KCNB2: variants seen among roughly 807,000 people sequenced by gnomAD.
The protein encoded by KCNB2 is potassium voltage-gated channel subfamily B member 2.
A neutral mutation model predicts 61.5 loss-of-function variants in KCNB2; 15 were observed. The ratio of observed to expected loss-of-function variants is 0.24; its 90% CI spans 0.16 to 0.38. The LOEUF is 0.38. KCNB2 is among the 10% of genes least tolerant of loss of function. KCNB2 has a pLI of 1.00. For synonymous variants in KCNB2, 457 were observed against 446.0 expected (o/e 1.02, Z -0.31); for missense variants, 828 against 1,125.2 (o/e 0.74, Z 3.78).
rs1255647912 is a variant in KCNB2, at chr8:72,936,223, G to A, written c.868G>A (p.Val290Met). 3 of 1,614,084 alleles carry A rather than the reference G, an allele frequency of 1.9e-6. No homozygotes were observed. The highest frequency in any genetic ancestry group is 1.7e-5 in the Admixed American group (1 of 60,008). ...TIFLTESNKS[V>M]LQFQNVRRVV... ...TTTTCTGACGGAGTCCAACAAGAGC[G>A]TGCTGCAGTTCCAAAACGTGAGGCG... is the stretch of plus-strand genomic sequence containing the variant. The change falls in exon 3 of 3, where the codon GTG becomes ATG. Residue 290 changes from valine (V) to methionine (M), a missense_variant. Physicochemically the swap from Val to Met is conservative, Grantham distance 21. Coordinates refer to ENST00000523207, the MANE Select transcript of KCNB2 (RefSeq NM_004770.3). This position sits in a 1 kb window ranked among gnomAD's most constrained non-coding sequence, Gnocchi z 5.6.
chr8:72,664,434 C>G (rs902034663), intron 2 of KCNB2, among the ~76,000 whole-genome samples: 1 of 152,206 alleles, frequency 6.6e-6, no homozygotes, highest in Admixed American at 6.5e-5. Context: ...TGTCACTTCT[C>G]CCCCAATAGT....
chr8:72,709,508 T>C (rs1288326601), intron 2 of KCNB2, among the ~76,000 whole-genome samples: 1 of 151,658 alleles, frequency 6.6e-6, no homozygotes, highest in Non-Finnish European at 1.5e-5. Context: ...GAATTTTTGC[T>C]CATGGCAGAA....
chr8:72,658,877 G>A (rs1806335307), intron 2 of KCNB2, among the ~76,000 whole-genome samples: 1 of 152,144 alleles, frequency 6.6e-6, no homozygotes, highest in African/African-American at 2.4e-5. Flanking sequence ...ACACTGTTGA[G>A]GCTCACTGCT....
At chr8:72,928,114 C>G (rs1247619161) in intron 2 of KCNB2, among the ~76,000 whole-genome samples, 1 of 151,830 alleles carries the variant, frequency 6.6e-6, no homozygotes, top group Non-Finnish European at 1.5e-5. Flanking sequence ...TTTTCTCCCT[C>G]AAGTTTTCAT....
chr8:72,707,533 G>A lies in KCNB2; in HGVS notation c.579+139220G>A, dbSNP rs114125650. 8.6e-3 allele frequency among the ~76,000 whole-genome samples: 1,312 copies of A among 152,222 alleles called. 17 individuals are homozygous for A. The highest frequency in any genetic ancestry group is 0.03 in the African/African-American group (1,254 of 41,538). On this transcript the variant is annotated intron_variant, in intron 2 of 2. Coordinates refer to ENST00000523207, the MANE Select transcript of KCNB2 (RefSeq NM_004770.3). The stretch of plus-strand genomic sequence containing the variant: ...GAGGCATGGTGTGTCAGTGATATGA[G>A]CTAGACAGTATCAGAAGGCCTGACC...
At chr8:72,678,099 G>A (rs1806691503) in intron 2 of KCNB2, among the ~76,000 whole-genome samples, 1 of 152,002 alleles carries the variant, frequency 6.6e-6, no homozygotes, top group African/African-American at 2.4e-5. Context: ...TAAAATTTTT[G>A]GACACATCCT....
chr8:72,612,816 A>G (rs1805561751), intron 2 of KCNB2, among the ~76,000 whole-genome samples: 1 of 152,102 alleles, frequency 6.6e-6, no homozygotes, highest in African/African-American at 2.4e-5. Flanking sequence ...CTTGCTAAGA[A>G]TTATTTTTTT....
intron 2 of KCNB2, among the ~76,000 whole-genome samples, chr8:72,604,382 G>T (rs1805414377): frequency 1.3e-5 from 2 of 152,154 alleles, no homozygotes; most frequent in Admixed American, 6.5e-5. Context: ...ATAGCAGAAA[G>T]AATCAGTGCT....
chr8:72,605,098 A>G (rs1805423849), intron 2 of KCNB2, among the ~76,000 whole-genome samples: 1 of 152,238 alleles, frequency 6.6e-6, no homozygotes, highest in African/African-American at 2.4e-5. Flanking sequence ...CAAATATGCA[A>G]TAAGAAAGTA....
At chr8:72,625,936 C>G (rs1046807979) in intron 2 of KCNB2, among the ~76,000 whole-genome samples, 1 of 151,742 alleles carries the variant, frequency 6.6e-6, no homozygotes, top group Admixed American at 6.6e-5. Context: ...GTATATCTCA[C>G]TATTTCAAAA....
chr8:72,682,403 G>A (rs1806774653), intron 2 of KCNB2, among the ~76,000 whole-genome samples: 1 of 151,940 alleles, frequency 6.6e-6, no homozygotes, highest in Admixed American at 6.6e-5. Context: ...TAAAGGAGTT[G>A]CTAATTACAA....
At chr8:72,848,048 A>T (rs76418233) in intron 2 of KCNB2, among the ~76,000 whole-genome samples, 1 of 152,128 alleles carries the variant, frequency 6.6e-6, no homozygotes, top group Admixed American at 6.5e-5. Flanking sequence ...CTGTTATTTC[A>T]TGTGTGTTTC....
chr8:72,546,648 T>G (rs766718977), intron 1 of KCNB2, among the ~76,000 whole-genome samples: 1 of 152,196 alleles, frequency 6.6e-6, no homozygotes, highest in Non-Finnish European at 1.5e-5. Flanking sequence ...AAAATTTCTT[T>G]AGAGACAGGG....
At chr8:72,554,565 T>C (rs1806394322) in intron 1 of KCNB2, among the ~76,000 whole-genome samples, 1 of 152,124 alleles carries the variant, frequency 6.6e-6, no homozygotes, top group Non-Finnish European at 1.5e-5. Flanking sequence ...CAAAGTCTAA[T>C]ACAAAGAACT....
chr8:72,921,336 C>A (rs1308526030), intron 2 of KCNB2, among the ~76,000 whole-genome samples: 1 of 152,094 alleles, frequency 6.6e-6, no homozygotes, highest in African/African-American at 2.4e-5. Context: ...TTATAACCCA[C>A]CAATGGATTG....
In KCNB2 at chr8:72,653,456, AT is replaced by A. The variant is rs148415176; in HGVS notation, c.579+85151del. ...ATTCTCTTATTCAGCTTTTATTTTT[AT>A]TTTTTTTGTGACACTTTGATATCAC... is the stretch of plus-strand genomic sequence containing the variant. On this transcript the variant is annotated intron_variant, in intron 2 of 2. Transcript: ENST00000523207. Among the ~76,000 whole-genome samples the A allele has an allele frequency of 3.3e-3, 503 of 151,458 alleles. 5 individuals are homozygous for A. Among genetic ancestry groups the A allele is most frequent in the African/African-American group, 0.011 (473 of 41,274 alleles).
intron 2 of KCNB2, among the ~76,000 whole-genome samples, chr8:72,830,227 CAAAAAAA>C (rs543474001): frequency 0.21 from 17,929 of 84,320 alleles, 1,585 homozygotes; most frequent in Middle Eastern, 0.41. Context: ...TCATATTTTC[CAAAAAAA>C]AAAAAAAAAA....
Position 72,768,455 on chromosome 8 carries a change from G to A in KCNB2, c.580-167480G>A, listed in dbSNP as rs145727667. ...CTCCCAAAGTGCTGGGAATACAGGC[G>A]TGAGCTACCGGGCCCAGCCATCTTT... On this transcript the variant is annotated intron_variant, in intron 2 of 2. Transcript: ENST00000523207. 1.8e-3 allele frequency among the ~76,000 whole-genome samples: 281 copies of A among 152,076 alleles called. 1 individual carries two copies. The highest frequency in any genetic ancestry group is 3.0e-3 in the Non-Finnish European group (206 of 67,996).
intron 2 of KCNB2, among the ~76,000 whole-genome samples, chr8:72,766,900 G>C (rs1042961292): frequency 6.6e-6 from 1 of 152,170 alleles, no homozygotes; most frequent in Non-Finnish European, 1.5e-5. Context: ...TGGACTTACA[G>C]TTCCGCATGA....
Sources: allele counts gnomAD v4.1 joint callset (sites outside exome capture counted in the v4.1 genomes callset), GRCh38; gene constraint gnomAD v4.1.1; non-coding constraint Gnocchi (gnomAD v3.1); transcripts MANE v1.5; gene names NCBI Gene and HGNC (gene_info 2026-07-23, HGNC 2026-07-21).